PLD5: variants seen among roughly 807,000 people sequenced by gnomAD.
PLD5 encodes the protein inactive phospholipase D5.
In PLD5, 36 loss-of-function variants were observed where a neutral mutation model predicts 61.1. The ratio of observed to expected loss-of-function variants is 0.59; its 90% CI spans 0.45 to 0.78. The LOEUF is 0.78. Among genes scored for constraint, PLD5 ranks in the 30% least tolerant of loss-of-function variants. The probability of loss-of-function intolerance (pLI) is 0.00; values close to 1 mark genes in which losing one functional copy is unlikely to be tolerated. For synonymous variants in PLD5, 243 were observed against 242.8 expected (o/e 1.00, Z -0.01); for missense variants, 515 against 644.4 (o/e 0.80, Z 2.17).
At chr1:242,527,720 CT>C (rs1181958346), upstream of PLD5, among the ~76,000 whole-genome samples, 4 of 152,076 alleles carry the variant, frequency 2.6e-5, no homozygotes, top group Non-Finnish European at 5.9e-5. Flanking sequence ...GCTTGTTGAC[CT>C]TCAAAAGAAT....
intron 2 of PLD5, among the ~76,000 whole-genome samples, chr1:242,335,428 T>G (rs1323176286): frequency 6.6e-6 from 1 of 152,166 alleles, no homozygotes; most frequent in Non-Finnish European, 1.5e-5. Context: ...CATTTGGAGA[T>G]GTAGTTCTAG....
At position 242,274,480 on chromosome 1, in the gene PLD5, CGTG is replaced by C. The variant is rs1253315572; in HGVS notation, c.496-9035_496-9033del. The stretch of plus-strand genomic sequence containing the variant: ...CTAAGAAAAGCAAGCCTTGGCCAGG[CGTG>C]GTGGCTCACGCCTGTAATCCCAGCA... On this transcript the variant is annotated intron_variant, in intron 3 of 9. Coordinates refer to ENST00000536534, the MANE Select transcript of PLD5 (RefSeq NM_001372062.1). Among the ~76,000 whole-genome samples the C allele has an allele frequency of 2.6e-5, 4 of 152,096 alleles. No homozygotes were observed. The East Asian group carries it at 7.7e-4, about 29-fold the overall frequency.
chr1:242,455,566 C>A (rs1035378550), intron 1 of PLD5, among the ~76,000 whole-genome samples: 3 of 152,204 alleles, frequency 2.0e-5, no homozygotes, highest in Non-Finnish European at 2.9e-5. Context: ...AGGTTCAGTT[C>A]TAATTTGCCT....
At chr1:242,206,124 T>G (rs1669298016) in intron 5 of PLD5, among the ~76,000 whole-genome samples, 1 of 152,210 alleles carries the variant, frequency 6.6e-6, no homozygotes, top group Admixed American at 6.5e-5. Flanking sequence ...CTTGAGCTAT[T>G]AGATTAAAAG....
intron 1 of PLD5, among the ~76,000 whole-genome samples, chr1:242,485,112 G>A (rs1220738459): frequency 6.6e-6 from 1 of 152,070 alleles, no homozygotes; most frequent in Non-Finnish European, 1.5e-5. Context: ...CATACTGAAT[G>A]GGCAAAAACT....
intron 8 of PLD5, among the ~76,000 whole-genome samples, chr1:242,104,229 GCCTCT>G (rs200977614): frequency 0.021 from 3,107 of 151,520 alleles, 31 homozygotes; most frequent in Non-Finnish European, 0.029. Context: ...TGATCCTCTT[GCCTCT>G]ACCTCCTGAG....
intron 2 of PLD5, among the ~76,000 whole-genome samples, chr1:242,330,559 C>A (rs1459626965): frequency 6.6e-6 from 1 of 152,184 alleles, no homozygotes; most frequent in East Asian, 1.9e-4. Flanking sequence ...ACTCACTGAT[C>A]TCTCACACAT....
At chr1:242,307,591 T>C (rs1029994470) in intron 2 of PLD5, among the ~76,000 whole-genome samples, 1 of 152,096 alleles carries the variant, frequency 6.6e-6, no homozygotes, top group African/African-American at 2.4e-5. Context: ...GCCACTAAAG[T>C]CTGGCGTGCT....
At chr1:242,229,339 T>C (rs1671151604) in intron 4 of PLD5, among the ~76,000 whole-genome samples, 1 of 152,338 alleles carries the variant, frequency 6.6e-6, no homozygotes, top group South Asian at 2.1e-4. Context: ...CTTTAATATG[T>C]TTGATGATAA....
rs1250508721 is a variant in PLD5, at chr1:242,443,430, G to A, written c.189+80658C>T. Among the ~76,000 whole-genome samples, 5 of 152,108 alleles carry A rather than the reference G, an allele frequency of 3.3e-5. No individual in the cohort carries two copies. In the East Asian group the frequency reaches 9.7e-4, roughly 29 times the overall value. On this transcript the variant is annotated intron_variant, in intron 1 of 9. Coordinates refer to ENST00000536534, the MANE Select transcript of PLD5 (RefSeq NM_001372062.1). ...CACATCAAGGAAGGTGAACTGGTTG[G>A]TGGGTCTTAGGGAGTCTGGGCACTT...
At chr1:242,388,366 T>C (rs931955286) in intron 1 of PLD5, among the ~76,000 whole-genome samples, 4 of 152,180 alleles carry the variant, frequency 2.6e-5, no homozygotes, top group Admixed American at 1.3e-4. Context: ...CTCTGACATT[T>C]TCCCCTAGCT....
intron 1 of PLD5, among the ~76,000 whole-genome samples, chr1:242,420,882 T>C (rs12071976): frequency 0.016 from 2,373 of 152,222 alleles, 66 homozygotes; most frequent in African/African-American, 0.055. Context: ...TATTTTAGTA[T>C]TTTAAAAAGT....
At position 242,467,402 on chromosome 1, in the gene PLD5, G is replaced by T. The variant is rs187109390; in HGVS notation, c.189+56686C>A. On this transcript the variant is annotated intron_variant, in intron 1 of 9. Coordinates refer to ENST00000536534, the MANE Select transcript of PLD5 (RefSeq NM_001372062.1). ...ATAGTAGTCTGTGCACTTTTGTACT[G>T]CTTAAATTTCTCAACATTTTAAGTA... 2.0e-5 allele frequency among the ~76,000 whole-genome samples: 3 copies of T among 152,254 alleles called. No homozygotes were observed. The East Asian group carries it at 5.8e-4, about 29-fold the overall frequency.
Position 242,089,413 on chromosome 1 carries a change from AG to A in PLD5, c.*440del. On this transcript the variant is annotated 3_prime_UTR_variant, in exon 10 of 10. Coordinates refer to ENST00000536534, the MANE Select transcript of PLD5 (RefSeq NM_001372062.1). ...GTGTAGGTCTTGGAGACGATTTACA[AG>A]AATAAACACTTGGTTTTATCAGTCT... 2 of 398,246 alleles carry A rather than the reference AG, an allele frequency of 5.0e-6. No individual in the cohort carries two copies. The highest frequency in any genetic ancestry group is 3.6e-5 in the East Asian group (1 of 28,086). The allele number at this position is 398,246 out of a possible 1,614,324, so 24.7% of individuals were successfully genotyped here.
chr1:242,157,352 A>G (rs1037871894), intron 5 of PLD5, among the ~76,000 whole-genome samples: 11 of 152,120 alleles, frequency 7.2e-5, no homozygotes, highest in Non-Finnish European at 1.5e-4. Flanking sequence ...AAGCCTACTT[A>G]TGTCAGTTCA....
At chr1:242,318,958 T>C (rs1658202699) in intron 2 of PLD5, among the ~76,000 whole-genome samples, 1 of 151,954 alleles carries the variant, frequency 6.6e-6, no homozygotes, top group Non-Finnish European at 1.5e-5. Context: ...GGGAAAGGGG[T>C]GGAGGCAAGT....
At chr1:242,198,369 C>G (rs976298885) in intron 5 of PLD5, among the ~76,000 whole-genome samples, 2 of 152,104 alleles carry the variant, frequency 1.3e-5, no homozygotes, top group Admixed American at 1.3e-4. Context: ...TTTCAAAGTC[C>G]TGAAACTCTT....
intron 1 of PLD5, among the ~76,000 whole-genome samples, chr1:242,420,959 A>G (rs939856719): frequency 6.6e-6 from 1 of 152,182 alleles, no homozygotes; most frequent in African/African-American, 2.4e-5. Context: ...AGCCAGGCGG[A>G]TCACGAGGTC....
chr1:242,404,803 C>T (rs1325962883), intron 1 of PLD5, among the ~76,000 whole-genome samples: 1 of 150,640 alleles, frequency 6.6e-6, no homozygotes, highest in Non-Finnish European at 1.5e-5. Flanking sequence ...TCCCACCCTT[C>T]TTCCATCAGA....
Sources: gnomAD v4.1 joint callset for allele counts (sites outside exome capture counted in the v4.1 genomes callset) on GRCh38, gnomAD v4.1.1 for gene constraint, MANE v1.5 for transcripts, NCBI Gene and HGNC (gene_info 2026-07-23, HGNC 2026-07-21) for gene names.